ALDH4A1: variants seen among roughly 807,000 people sequenced by gnomAD.
The protein encoded by ALDH4A1 is delta-1-pyrroline-5-carboxylate dehydrogenase, mitochondrial.
ALDH4A1 carries 46 observed loss-of-function variants against 70.5 expected under a neutral mutation model. That is an observed-to-expected ratio of 0.65 (90% CI 0.51 to 0.83). The LOEUF is 0.83. ALDH4A1 is among the 40% of genes least tolerant of loss of function. The pLI is 0.00. For missense variants in ALDH4A1, 749 were observed against 766.5 expected, an observed-to-expected ratio of 0.98 and a Z score of 0.27; for synonymous variants, 323 against 324.3, an observed-to-expected ratio of 1.00 and a Z score of 0.04.
At chr1:18,882,395 G>C (rs1345177832) in intron 7 of ALDH4A1, among the ~76,000 whole-genome samples, 1 of 152,198 alleles carries the variant, frequency 6.6e-6, no homozygotes, top group East Asian at 1.9e-4. Context: ...GGGGCTCGGG[G>C]TTCCCGACAA....
Position 18,875,489 on chromosome 1 carries a change from A to G in ALDH4A1, c.1353T>C (p.Pro451=), listed in dbSNP as rs1278473399. The G allele has an allele frequency of 3.1e-6, 5 of 1,614,004 alleles. No individual in the cohort carries two copies. The highest frequency in any genetic ancestry group is 4.2e-6 in the Non-Finnish European group (5 of 1,180,016). ...EPIMKEEIFG[P]VLSVYVYPDD... is the part of the protein sequence containing the mutation. ...CCGGGTAGACGTACACAGACAGTAC[A>G]GGCCCGAAGATCTCCTAGGAGAGAG... Residue 451 remains proline, a synonymous_variant, in exon 13 of 15, where the codon CCT becomes CCC. Transcript: ENST00000375341.
chr1:18,880,980 CT>C lies in ALDH4A1; in HGVS notation c.866+719del. On this transcript the variant is annotated intron_variant, in intron 8 of 14. Coordinates refer to ENST00000375341, the MANE Select transcript of ALDH4A1 (RefSeq NM_003748.4). The surrounding 1 kb of genome is among the most constrained non-coding windows in gnomAD (Gnocchi z 5.1). Reference sequence around the variant, plus strand: ...TAAGTATCTTATGGTCACTGAACCACTCCCTGCCGCCACCTCCAGCCTGAGA... The same window carrying C: ...TAAGTATCTTATGGTCACTGAACCACCCCTGCCGCCACCTCCAGCCTGAGA... Among the ~76,000 whole-genome samples the C allele has an allele frequency of 6.6e-6, 1 of 152,260 alleles. No homozygotes were observed. Among genetic ancestry groups the C allele is most frequent in the East Asian group, 1.9e-4 (1 of 5,172 alleles).
chr1:18,891,586 G>A (rs1336782666), intron 1 of ALDH4A1, among the ~76,000 whole-genome samples: 4 of 152,172 alleles, frequency 2.6e-5, no homozygotes, highest in Non-Finnish European at 5.9e-5. Context: ...GACTTGGGGA[G>A]GGTTTAAGGA....
intron 9 of ALDH4A1, among the ~76,000 whole-genome samples, chr1:18,878,160 A>T (rs1934806900): frequency 2.0e-5 from 3 of 151,848 alleles, no homozygotes; most frequent in Admixed American, 2.0e-4. Flanking sequence ...CGTGGGAAGC[A>T]GCAGCTAACA....
rs764300310 is a variant in ALDH4A1, at chr1:18,883,297, C to T, written c.585G>A (p.Thr195=). 7 of 1,613,268 alleles carry T rather than the reference C, an allele frequency of 4.3e-6. No individual in the cohort carries two copies. Among genetic ancestry groups the T allele is most frequent in the Non-Finnish European group, 5.1e-6 (6 of 1,180,050 alleles). The change falls in exon 6 of 15, where the codon ACG becomes ACA. Residue 195 remains threonine, a synonymous_variant. Coordinates refer to ENST00000375341, the MANE Select transcript of ALDH4A1 (RefSeq NM_003748.4). ...PISVPPSTNS[T]VYRGLEGFVA... is the part of the protein sequence containing the mutation. ...CAGGTACCTCCAGACCCCGGTACAC[C>T]GTGCTGTTGGTGCTCGGGGGCACGC...
Position 18,902,485 on chromosome 1 carries a change from C to CAGCA in ALDH4A1, c.35_38dup (p.Ser14AlafsTer34). On this transcript the variant is annotated frameshift_variant, in exon 1 of 15. Transcript: ENST00000375341. LOFTEE classifies it high-confidence loss of function. ...ACCCGGCCCCGGTCCAGGGGCGGGA[C>CAGCA]AGCAGGGCGCGGCGGAGCGCGGGCG... is the stretch of plus-strand genomic sequence containing the variant. 1 of 1,469,306 alleles carries CAGCA rather than the reference C, an allele frequency of 6.8e-7. No homozygotes were observed. The allele number at this position is 1,469,306 out of a possible 1,614,324, so 91.0% of individuals were successfully genotyped here. A position where few individuals can be genotyped will look rare whatever the true frequency, so the allele number is the denominator to read the frequency against.
intron 3 of ALDH4A1, among the ~76,000 whole-genome samples, chr1:18,887,245 G>A (rs766448421): frequency 7.2e-5 from 11 of 152,256 alleles, no homozygotes; most frequent in Non-Finnish European, 1.6e-4. Flanking sequence ...AGGAGCTCAG[G>A]CCATGAGAAC....
At chr1:18,891,149 T>G (rs1482883528) in intron 1 of ALDH4A1, among the ~76,000 whole-genome samples, 1 of 152,234 alleles carries the variant, frequency 6.6e-6, no homozygotes, top group African/African-American at 2.4e-5. Context: ...ATTCCAGAGC[T>G]GGAGCCTCAG....
At chr1:18,873,638 A>G (rs770091643) in intron 14 of ALDH4A1, among the ~76,000 whole-genome samples, 27 of 152,182 alleles carry the variant, frequency 1.8e-4, no homozygotes, top group Non-Finnish European at 4.4e-5. Flanking sequence ...ACACGTCCAC[A>G]TGCCAAGGGG....
chr1:18,888,826 C>T (rs1354885065), intron 3 of ALDH4A1, among the ~76,000 whole-genome samples: 2 of 152,224 alleles, frequency 1.3e-5, no homozygotes, highest in African/African-American at 4.8e-5. Flanking sequence ...CTGGGTCCTC[C>T]CCCTCAGTCA....
At chr1:18,889,241 G>C in intron 3 of ALDH4A1, 121 bp downstream of exon 3, 1 of 865,784 alleles carries the variant, frequency 1.2e-6, no homozygotes, top group Non-Finnish European at 1.9e-6. Flanking sequence ...AATCTGGGGT[G>C]GGGAGGGGCA....
rs766982473 is a variant in ALDH4A1 at position 18,874,538 on chromosome 1, C to T, written c.1504G>A (p.Gly502Ser). Residue 502 changes from glycine (G) to serine (S), a missense_variant, in exon 14 of 15, where the codon GGC becomes AGC. Physicochemically the swap from Gly to Ser is moderately conservative, Grantham distance 56. Transcript: ENST00000375341. Reference protein sequence around the residue: ...EATKVLRNAAGNFYINDKSTG... With the variant: ...EATKVLRNAASNFYINDKSTG... ...GACTTGTCGTTGATGTAGAAGTTGC[C>T]GGCAGCATTCCTCAGCACCTTTGTG... The T allele has an allele frequency of 1.1e-5, 17 of 1,614,192 alleles. No homozygotes were observed. Among genetic ancestry groups the T allele is most frequent in the Non-Finnish European group, 1.4e-5 (16 of 1,180,026 alleles).
intron 1 of ALDH4A1, among the ~76,000 whole-genome samples, chr1:18,900,065 G>C (rs545489514): frequency 6.6e-6 from 1 of 152,214 alleles, no homozygotes; most frequent in East Asian, 1.9e-4. Flanking sequence ...TGTTAACAGT[G>C]GGTACCTCTG....
At position 18,898,592 on chromosome 1, in the gene ALDH4A1, G is replaced by T. The variant is rs1935698912; in HGVS notation, c.62+3870C>A. On this transcript the variant is annotated intron_variant, in intron 1 of 14. Transcript: ENST00000375341. This position sits in a 1 kb window ranked among gnomAD's most constrained non-coding sequence, Gnocchi z 4.3. ...CTGGGCACTCCAAAGTGCTTTCCAT[G>T]TATGAGACCATTTAACACGCAGGAC... is the stretch of plus-strand genomic sequence containing the variant. Among the ~76,000 whole-genome samples, 1 of 152,184 alleles carries T rather than the reference G, an allele frequency of 6.6e-6. No individual in the cohort carries two copies. Among genetic ancestry groups the T allele is most frequent in the Non-Finnish European group, 1.5e-5 (1 of 68,034 alleles).
chr1:18,886,593 T>G, intron 3 of ALDH4A1, 82 bp from the exon 4 acceptor site: 14 of 1,516,414 alleles, frequency 9.2e-6, no homozygotes, highest in Non-Finnish European at 1.2e-5. Context: ...CAGAGCCGGT[T>G]TTCCAGGAAA....
At position 18,888,113 on chromosome 1, in the gene ALDH4A1, C is replaced by T. The variant is rs985588880; in HGVS notation, c.249+1249G>A. On this transcript the variant is annotated intron_variant, in intron 3 of 14. Coordinates refer to ENST00000375341, the MANE Select transcript of ALDH4A1 (RefSeq NM_003748.4). ...ACATTTCACATGCTCAACAACCACA[C>T]GTGGCGGCTCATGGCCGCTGGAACG... Among the ~76,000 whole-genome samples, 7 of 152,222 alleles carry T rather than the reference C, an allele frequency of 4.6e-5. No individual in the cohort carries two copies. In the South Asian group the frequency reaches 1.4e-3, roughly 31 times the overall value.
chr1:18,886,206 A>T (rs1486274967), intron 4 of ALDH4A1, among the ~76,000 whole-genome samples: 1 of 152,000 alleles, frequency 6.6e-6, no homozygotes, highest in Non-Finnish European at 1.5e-5. Flanking sequence ...CCCCACCACA[A>T]TGGGCATGTC....
intron 1 of ALDH4A1, among the ~76,000 whole-genome samples, chr1:18,893,098 G>A (rs1935499398): frequency 6.6e-6 from 1 of 152,166 alleles, no homozygotes; most frequent in Non-Finnish European, 1.5e-5. Flanking sequence ...CGAGAAGCGG[G>A]ACTCCAAATA....
intron 11 of ALDH4A1, among the ~76,000 whole-genome samples, 185 bp downstream of exon 11, chr1:18,877,021 CTT>C (rs1245300163): frequency 6.6e-6 from 1 of 152,164 alleles, no homozygotes; most frequent in African/African-American, 2.4e-5. Context: ...AAGATGAGCT[CTT>C]GTCTGGCTAC....
Sources: allele counts gnomAD v4.1 joint callset (sites outside exome capture counted in the v4.1 genomes callset), GRCh38; gene constraint gnomAD v4.1.1; non-coding constraint Gnocchi (gnomAD v3.1); transcripts MANE v1.5; gene names NCBI Gene and HGNC (gene_info 2026-07-23, HGNC 2026-07-21).